SCN8A: variants seen among roughly 807,000 people sequenced by gnomAD.
SCN8A encodes the protein sodium voltage-gated channel alpha subunit 8.
Under a neutral mutation model 184.1 loss-of-function variants are expected in SCN8A, and 30 were observed. The observed-to-expected ratio is 0.16, with a 90% CI of 0.12 to 0.22. The LOEUF (loss-of-function observed/expected upper bound fraction) is 0.22. SCN8A is among the 10% of genes least tolerant of loss of function. The probability of loss-of-function intolerance (pLI) is 1.00; values close to 1 mark genes in which losing one functional copy is unlikely to be tolerated. For missense variants in SCN8A, 1,057 were observed against 2,498.9 expected (o/e 0.42, Z 12.30); for synonymous variants, 852 against 907.0 (o/e 0.94, Z 1.09).
intron 1 of SCN8A, among the ~76,000 whole-genome samples, chr12:51,634,725 T>G (rs1227573300): frequency 6.6e-6 from 1 of 150,630 alleles, no homozygotes; most frequent in African/African-American, 2.4e-5. Flanking sequence ...CGTAGCTCAC[T>G]GCAACCTCCT....
intron 20 of SCN8A, among the ~76,000 whole-genome samples, chr12:51,777,450 C>T (rs1157401069): frequency 1.3e-5 from 2 of 152,028 alleles, no homozygotes; most frequent in African/African-American, 4.8e-5. Flanking sequence ...GATGTCTCCT[C>T]AATTCCTTTT....
rs1038298093 is a variant in SCN8A, at chr12:51,721,465, C to T, written c.1636-81C>T. 10 of 1,432,104 alleles carry T rather than the reference C, an allele frequency of 7.0e-6. No homozygotes were observed. The South Asian group carries it at 1.5e-4, about 21-fold the overall frequency. The allele number at this position is 1,432,104 out of a possible 1,614,324, so 88.7% of individuals were successfully genotyped here. A position where few individuals can be genotyped will look rare whatever the true frequency, so the allele number is the denominator to read the frequency against. ...TGCGAGGGTGGGGCCGGCTGGGAAC[C>T]TAACCACTTTGCTCAGTATAAAGGT... On this transcript the variant is annotated intron_variant, in intron 11 of 26. Coordinates refer to ENST00000627620, the MANE Select transcript of SCN8A (RefSeq NM_001330260.2).
intron 1 of SCN8A, among the ~76,000 whole-genome samples, chr12:51,653,000 A>T (rs1231332869): frequency 6.6e-6 from 1 of 152,180 alleles, no homozygotes; most frequent in Non-Finnish European, 1.5e-5. Flanking sequence ...AATATCCATA[A>T]CATTTACCAT....
intron 14 of SCN8A, among the ~76,000 whole-genome samples, chr12:51,757,414 G>A (rs946883435): frequency 3.9e-5 from 6 of 152,054 alleles, no homozygotes; most frequent in Non-Finnish European, 7.3e-5. Context: ...GAGCTGACAA[G>A]CCCTTTTCTG....
rs186811792 is a variant in SCN8A at position 51,671,216 on chromosome 12, A to G, written c.276+8123A>G. On this transcript the variant is annotated intron_variant, in intron 2 of 26. Coordinates refer to ENST00000627620, the MANE Select transcript of SCN8A (RefSeq NM_001330260.2). ...GCCCCTCTTGGATTTTTACACAGAC[A>G]GAAATAAAATATACTTGAGCATCAG... Among the ~76,000 whole-genome samples the G allele has an allele frequency of 1.4e-3, 212 of 152,368 alleles. 1 individual carries two copies. The highest frequency in any genetic ancestry group is 0.013 in the Admixed American group (192 of 15,306).
At chr12:51,714,052 G>A (rs1008807192) in intron 11 of SCN8A, among the ~76,000 whole-genome samples, 1 of 151,246 alleles carries the variant, frequency 6.6e-6, no homozygotes. Flanking sequence ...ATATCATACT[G>A]GCTTATGCAT....
intron 26 of SCN8A, among the ~76,000 whole-genome samples, chr12:51,795,240 A>G (rs1417262086): frequency 6.6e-6 from 1 of 152,206 alleles, no homozygotes; most frequent in Non-Finnish European, 1.5e-5. Context: ...TGGTGGAGGC[A>G]TAACTCGAGT....
At chr12:51,733,866 C>T (rs928866459) in intron 12 of SCN8A, among the ~76,000 whole-genome samples, 2 of 152,132 alleles carry the variant, frequency 1.3e-5, no homozygotes, top group African/African-American at 2.4e-5. Flanking sequence ...TGTAGTTGCT[C>T]ATAGTAACCA....
chr12:51,795,011 T>G (rs1938370427), intron 26 of SCN8A, among the ~76,000 whole-genome samples: 1 of 152,200 alleles, frequency 6.6e-6, no homozygotes, highest in African/African-American at 2.4e-5. Flanking sequence ...GATTGCTAAG[T>G]TGGCCATTAA....
intron 12 of SCN8A, among the ~76,000 whole-genome samples, chr12:51,743,072 C>G (rs1942453666): frequency 6.6e-6 from 1 of 152,076 alleles, no homozygotes; most frequent in East Asian, 1.9e-4. Flanking sequence ...TTATTTCAGT[C>G]TCTTTGTTAA....
chr12:51,681,114 T>G (rs1435720574), intron 2 of SCN8A, among the ~76,000 whole-genome samples: 1 of 152,188 alleles, frequency 6.6e-6, no homozygotes, highest in Non-Finnish European at 1.5e-5. Flanking sequence ...TTTTTAGGTC[T>G]TGGGGCATGG....
rs907618702 is a variant in SCN8A at position 51,808,940 on chromosome 12, T to G, written c.*1511T>G. 9 of 152,324 alleles carry G rather than the reference T, an allele frequency of 5.9e-5. No homozygotes were observed. Among genetic ancestry groups the G allele is most frequent in the Non-Finnish European group, 1.2e-4 (8 of 68,042 alleles). The allele number at this position is 152,324 out of a possible 1,614,324, so 9.4% of individuals were successfully genotyped here. A position where few individuals can be genotyped will look rare whatever the true frequency, so the allele number is the denominator to read the frequency against. On this transcript the variant is annotated 3_prime_UTR_variant, in exon 27 of 27. Transcript: ENST00000627620. ...TTTCTTTCACTTATTATTAGAATAA[T>G]AGTCACTGGTGAGACCTGAGGTAGA...
chr12:51,687,118 T>G lies in SCN8A; in HGVS notation c.513T>G (p.Phe171Leu), dbSNP rs761410658. Residue 171 changes from phenylalanine (F) to leucine (L), a missense_variant, in exon 5 of 27, where the codon TTT (phenylalanine) becomes TTG (leucine). Coordinates refer to ENST00000627620, the MANE Select transcript of SCN8A (RefSeq NM_001330260.2). ...VEYTFTGIYT[F>L]ESLVKIIARG... ...ACACGTTCACAGGGATTTATACATT[T>G]GAATCACTAGTGAAAATCATTGCAA... The G allele has an allele frequency of 1.2e-6, 2 of 1,613,524 alleles. No individual in the cohort carries two copies. Among genetic ancestry groups the G allele is most frequent in the Admixed American group, 3.3e-5 (2 of 59,992 alleles).
chr12:51,691,293 T>A (rs1039321729), intron 6 of SCN8A, among the ~76,000 whole-genome samples: 1 of 152,228 alleles, frequency 6.6e-6, no homozygotes, highest in Non-Finnish European at 1.5e-5. Flanking sequence ...GCAGATGCTG[T>A]CTCTAGTCTA....
At chr12:51,709,571 A>G (rs1941839844) in intron 11 of SCN8A, among the ~76,000 whole-genome samples, 1 of 152,218 alleles carries the variant, frequency 6.6e-6, no homozygotes, top group African/African-American at 2.4e-5. Flanking sequence ...CGGATTTGGC[A>G]ATATAAAGTC....
rs528514747 is a variant in SCN8A at position 51,780,565 on chromosome 12, C to CTTTTTTTTTTTTTTTTT, written c.3820-61_3820-45dup. 1.3e-4 allele frequency: 38 copies of CTTTTTTTTTTTTTTTTT among 297,744 alleles called. 8 individuals are homozygous for CTTTTTTTTTTTTTTTTT. Among genetic ancestry groups the CTTTTTTTTTTTTTTTTT allele is most frequent in the African/African-American group, 5.3e-4 (4 of 7,566 alleles). The allele number at this position is 297,744 out of a possible 1,614,324, so 18.4% of individuals were successfully genotyped here. ...ACACTCTGGAACCTCTGTTTTCTTT[C>CTTTTTTTTTTTTTTTTT]TTTTTTTTTTTTTTTTTTTTTTTTT... On this transcript the variant is annotated intron_variant, in intron 20 of 26. Transcript: ENST00000627620.
intron 1 of SCN8A, among the ~76,000 whole-genome samples, chr12:51,600,386 G>A (rs540202389): frequency 2.0e-5 from 3 of 152,286 alleles, no homozygotes; most frequent in South Asian, 4.1e-4. Flanking sequence ...TATATCCCAT[G>A]TGCTTCATGA....
Position 51,604,407 on chromosome 12 carries a change from C to G in SCN8A, c.-55+13048C>G, listed in dbSNP as rs148353222. Among the ~76,000 whole-genome samples the G allele has an allele frequency of 5.2e-3, 794 of 152,272 alleles. 6 individuals carry two copies. Among genetic ancestry groups the G allele is most frequent in the South Asian group, 0.011 (53 of 4,828 alleles). On this transcript the variant is annotated intron_variant, in intron 1 of 26. Coordinates refer to ENST00000627620, the MANE Select transcript of SCN8A (RefSeq NM_001330260.2). ...TGGGTTTATTTCTGGGCTCTCTCTT[C>G]TGTTCCATCAGTCTGTATGTGTGTC...
intron 14 of SCN8A, 106 bp downstream of exon 14, chr12:51,751,699 A>C: frequency 1.2e-6 from 1 of 825,678 alleles, no homozygotes; most frequent in Non-Finnish European, 1.9e-6. Context: ...AGAAAGTAAT[A>C]GTTAATTGGA....
Sources: allele counts gnomAD v4.1 joint callset (sites outside exome capture counted in the v4.1 genomes callset), GRCh38; gene constraint gnomAD v4.1.1; transcripts MANE v1.5; gene names NCBI Gene and HGNC (gene_info 2026-07-23, HGNC 2026-07-21).